The following EFCAB7 variants were observed in gnomAD, a reference collection of about 807,000 sequenced individuals.
The protein encoded by EFCAB7 is EF-hand calcium-binding domain-containing protein 7.
A neutral mutation model predicts 77.1 loss-of-function variants in EFCAB7; 66 were observed. That is an observed-to-expected ratio of 0.86 (90% CI 0.70 to 1.05). The LOEUF is 1.05. Ranked by LOEUF, EFCAB7 falls within the 50% of genes least tolerant of loss-of-function variation. The pLI is 0.00. For missense variants in EFCAB7, 638 were observed against 730.5 expected, an observed-to-expected ratio of 0.87 and a Z score of 1.46; for synonymous variants, 225 against 243.3, an observed-to-expected ratio of 0.92 and a Z score of 0.70.
rs373816340 is a variant in EFCAB7, at chr1:63,568,536, G to A, written c.1707+17G>A. The A allele has an allele frequency of 2.5e-6, 4 of 1,580,444 alleles. No individual in the cohort carries two copies. Among genetic ancestry groups the A allele is most frequent in the Non-Finnish European group, 3.5e-6 (4 of 1,158,344 alleles). On this transcript the variant is annotated intron_variant, in intron 12 of 13. Transcript: ENST00000371088. The stretch of plus-strand genomic sequence containing the variant: ...GAAAACAAGGTATCAATTATGAGGT[G>A]GTTTTCCTCATTTTGCTACAAAGCT...
chr1:63,576,096 AGC>A (rs1647404414), downstream of EFCAB7, among the ~76,000 whole-genome samples: 1 of 152,206 alleles, frequency 6.6e-6, no homozygotes, highest in Non-Finnish European at 1.5e-5. Flanking sequence ...GGAAAAATAA[AGC>A]AAATAGTGGA....
At chr1:63,577,842 T>G in the EFCAB7 span, among the ~76,000 whole-genome samples, 2 of 152,124 alleles carry the variant, frequency 1.3e-5, no homozygotes, top group Admixed American at 1.3e-4. Context: ...GCTTGACCAA[T>G]TTAGAGGATG....
intron 5 of EFCAB7, 102 bp downstream of exon 5, chr1:63,533,751 G>T (rs1646729766): frequency 2.3e-6 from 2 of 888,418 alleles, no homozygotes; most frequent in Non-Finnish European, 3.2e-6. Context: ...AAACAAATGA[G>T]AATCTAACTT....
At chr1:63,541,773 G>A (rs1400464092) in intron 6 of EFCAB7, among the ~76,000 whole-genome samples, 1 of 152,046 alleles carries the variant, frequency 6.6e-6, no homozygotes, top group Non-Finnish European at 1.5e-5. Flanking sequence ...ATGTTGGCCA[G>A]GCTGGTCTTG....
chr1:63,555,585 C>T (rs973849603), intron 9 of EFCAB7, 70 bp downstream of exon 9: 1 of 1,374,072 alleles, frequency 7.3e-7, no homozygotes, highest in African/African-American at 1.4e-5. Context: ...CTGTGTTACT[C>T]CCTTTGGCCA....
chr1:63,572,474 A>G lies in EFCAB7; in HGVS notation c.1848A>G (p.Arg616=). The G allele has an allele frequency of 6.4e-7, 1 of 1,573,750 alleles. No homozygotes were observed. ...VCQHVMPLNE[R]QEWIYYCIYS... The stretch of plus-strand genomic sequence containing the variant: ...AACATGTAATGCCTTTGAATGAACG[A>G]CAAGAATGGATATATTATTGTATAT... The change falls in exon 14 of 14, where the codon CGA becomes CGG. Residue 616 remains arginine (R), a synonymous_variant. Coordinates refer to ENST00000371088, the MANE Select transcript of EFCAB7 (RefSeq NM_032437.4).
In EFCAB7 at chr1:63,540,685, T is replaced by C. The variant is rs78721204; in HGVS notation, c.805-5231T>C. On this transcript the variant is annotated intron_variant, in intron 6 of 13. Coordinates refer to ENST00000371088, the MANE Select transcript of EFCAB7 (RefSeq NM_032437.4). ...TATATATAATGACTTCTTTCTGTCA[T>C]GGGCAATATACTTAACAAGATAAAT... Among the ~76,000 whole-genome samples the C allele has an allele frequency of 8.8e-3, 1,345 of 152,246 alleles. 15 individuals carry two copies. Among genetic ancestry groups the C allele is most frequent in the African/African-American group, 0.024 (999 of 41,556 alleles).
Position 63,557,119 on chromosome 1 carries a change from C to T in EFCAB7, c.1220C>T (p.Thr407Ile). ...ELFLTKEFKS[T>I]LSDIFEVIDL... ...AGCTATTTTTATAATTTTAGGTCTA[C>T]TTTATCAGATATATTTGAAGTAATT... Residue 407 changes from threonine (T) to isoleucine (I), a missense_variant, in exon 10 of 14, where the codon ACT (threonine) becomes ATT (isoleucine). Transcript: ENST00000371088. 1 of 1,576,338 alleles carries T rather than the reference C, an allele frequency of 6.3e-7. No individual in the cohort carries two copies. The highest frequency in any genetic ancestry group is 1.2e-5 in the South Asian group (1 of 85,374).
intron 2 of EFCAB7, 72 bp downstream of exon 2, chr1:63,525,831 T>G: frequency 9.6e-7 from 1 of 1,045,542 alleles, no homozygotes; most frequent in Non-Finnish European, 1.4e-6. Flanking sequence ...AAGACTGAAA[T>G]TAGAATTACC....
At chr1:63,584,664 T>C in the EFCAB7 span, among the ~76,000 whole-genome samples, 3 of 152,218 alleles carry the variant, frequency 2.0e-5, no homozygotes, top group Non-Finnish European at 2.9e-5. Context: ...CACCTTCTAT[T>C]CAACATGGAG....
chr1:63,551,050 C>T (rs1646958602), intron 7 of EFCAB7: 1 of 152,182 alleles, frequency 6.6e-6, no homozygotes, highest in Non-Finnish European at 1.5e-5. Context: ...GTTGTCAGCA[C>T]ATAGATGTCT....
At chr1:63,557,861 C>T (rs1647049780) in intron 10 of EFCAB7, among the ~76,000 whole-genome samples, 1 of 152,096 alleles carries the variant, frequency 6.6e-6, no homozygotes, top group African/African-American at 2.4e-5. Context: ...ACCAAAAAGC[C>T]ATAGCCAACT....
Position 63,555,541 on chromosome 1 carries a change from A to G in EFCAB7, c.1214+26A>G, listed in dbSNP as rs570113489. ...GTAAGTTTTGTTTATTAATGTTAGA[A>G]TTATAACATCTAGACTGGATAGATA... On this transcript the variant is annotated intron_variant, in intron 9 of 13. Transcript: ENST00000371088. 55 of 1,599,274 alleles carry G rather than the reference A, an allele frequency of 3.4e-5. 1 individual carries two copies. In the South Asian group the frequency reaches 6.1e-4, roughly 18 times the overall value.
At chr1:63,544,921 C>CTT (rs34798915) in intron 6 of EFCAB7, among the ~76,000 whole-genome samples, 58 of 138,250 alleles carry the variant, frequency 4.2e-4, no homozygotes, top group African/African-American at 1.2e-3. Context: ...TCTTTTCTTT[C>CTT]TTTTTTTTTT....
At chr1:63,563,850 T>C (rs1031444753) in intron 11 of EFCAB7, among the ~76,000 whole-genome samples, 25 of 152,214 alleles carry the variant, frequency 1.6e-4, no homozygotes, top group African/African-American at 2.4e-5. Context: ...AGATCCTCTG[T>C]TAAAGAGCAA....
intron 6 of EFCAB7, 80 bp downstream of exon 6, chr1:63,534,296 C>A: frequency 8.2e-7 from 1 of 1,216,816 alleles, no homozygotes; most frequent in Non-Finnish European, 1.1e-6. Context: ...GCAGTGTCTA[C>A]AGGGAACCAG....
downstream of EFCAB7, among the ~76,000 whole-genome samples, chr1:63,576,634 A>C (rs1415371854): frequency 1.3e-5 from 2 of 151,520 alleles, no homozygotes; most frequent in East Asian, 3.9e-4. Context: ...AGCCTGGCCA[A>C]CCTGGTGAAA....
At chr1:63,524,280 A>G (rs551725008) in intron 1 of EFCAB7, among the ~76,000 whole-genome samples, 1 of 152,286 alleles carries the variant, frequency 6.6e-6, no homozygotes, top group African/African-American at 2.4e-5. Context: ...AGATGCATGC[A>G]CACATATGTG....
chr1:63,567,153 TTAAAA>T (rs1341994907), intron 11 of EFCAB7, among the ~76,000 whole-genome samples: 1 of 152,064 alleles, frequency 6.6e-6, no homozygotes, highest in Non-Finnish European at 1.5e-5. Context: ...GATTAATTAA[TTAAAA>T]TAAAATTATA....
Sources: allele counts gnomAD v4.1 joint callset (sites outside exome capture counted in the v4.1 genomes callset), GRCh38; gene constraint gnomAD v4.1.1; transcripts MANE v1.5; gene names NCBI Gene and HGNC (gene_info 2026-07-23, HGNC 2026-07-21).